The following KIRREL3 variants were observed in gnomAD, a reference collection of about 807,000 sequenced individuals.
KIRREL3 encodes kirre like nephrin family adhesion molecule 3, also known as kin of IRRE-like protein 3.
KIRREL3 carries 36 observed loss-of-function variants against 89.7 expected under a neutral mutation model. That is an observed-to-expected ratio of 0.40 (90% CI 0.31 to 0.53). KIRREL3 has a LOEUF of 0.53. Ranked by LOEUF, KIRREL3 falls within the 20% of genes least tolerant of loss-of-function variation. The pLI is 0.49. For missense variants in KIRREL3, 864 were observed against 1,056.6 expected (o/e 0.82, Z 2.53); for synonymous variants, 445 against 441.4 (o/e 1.01, Z -0.10).
At chr11:126,934,110 T>G (rs1475794036) in intron 1 of KIRREL3, among the ~76,000 whole-genome samples, 2 of 152,154 alleles carry the variant, frequency 1.3e-5, no homozygotes, top group Admixed American at 1.3e-4. Flanking sequence ...GACAAAACTA[T>G]AGACATATGG....
At chr11:126,793,420 G>A (rs983861926) in intron 1 of KIRREL3, among the ~76,000 whole-genome samples, 3 of 152,228 alleles carry the variant, frequency 2.0e-5, no homozygotes. Flanking sequence ...CTTTGGATGT[G>A]CATGCTCAGC....
At chr11:126,961,682 T>C (rs1949091481) in intron 1 of KIRREL3, among the ~76,000 whole-genome samples, 1 of 152,230 alleles carries the variant, frequency 6.6e-6, no homozygotes, top group African/African-American at 2.4e-5. Context: ...AGATGCTTGA[T>C]AAATGTGGCT....
chr11:126,773,603 G>T lies in KIRREL3; in HGVS notation c.56-210691C>A, dbSNP rs1377795840. On this transcript the variant is annotated intron_variant, in intron 1 of 16. Transcript: ENST00000525144. The surrounding 1 kb of genome is among the most constrained non-coding windows in gnomAD (Gnocchi z 4.2). ...CTGGGTCTAGATCCTAGATCACAGA[G>T]ATGTGGGAATAATGATCTCCTTACA... Among the ~76,000 whole-genome samples the T allele has an allele frequency of 6.6e-6, 1 of 152,232 alleles. No individual in the cohort carries two copies. Among genetic ancestry groups the T allele is most frequent in the African/African-American group, 2.4e-5 (1 of 41,462 alleles).
intron 1 of KIRREL3, among the ~76,000 whole-genome samples, chr11:126,746,634 CT>C (rs907873065): frequency 1.6e-4 from 24 of 152,152 alleles, no homozygotes; most frequent in African/African-American, 5.8e-4. Flanking sequence ...CTGGTCCCCC[CT>C]CTCCCTCCCT....
In KIRREL3 at chr11:126,640,630, G is replaced by T. The variant is rs541608154; in HGVS notation, c.56-77718C>A. On this transcript the variant is annotated intron_variant, in intron 1 of 16. Coordinates refer to ENST00000525144, the MANE Select transcript of KIRREL3 (RefSeq NM_032531.4). The surrounding 1 kb of genome is among the most constrained non-coding windows in gnomAD (Gnocchi z 4.9). ...CATTTAGTCTGAACCTTACAGCATG[G>T]TCTTAAAGAGACACCCTCTCATATT... 6.6e-6 allele frequency among the ~76,000 whole-genome samples: 1 copy of T among 151,738 alleles called. No homozygotes were observed. Among genetic ancestry groups the T allele is most frequent in the African/African-American group, 2.4e-5 (1 of 41,320 alleles).
chr11:126,838,578 G>A (rs1357850163), intron 1 of KIRREL3, among the ~76,000 whole-genome samples: 4 of 152,192 alleles, frequency 2.6e-5, no homozygotes, highest in Non-Finnish European at 5.9e-5. Context: ...CTCTGATCAA[G>A]TGTGATTCTC....
At position 126,503,576 on chromosome 11, in the gene KIRREL3, A is replaced by AT. The variant is rs201806479; in HGVS notation, c.433+17738_433+17739insA. Among the ~76,000 whole-genome samples the AT allele has an allele frequency of 9.9e-3, 1,501 of 152,266 alleles. 9 individuals are homozygous for AT. Among genetic ancestry groups the AT allele is most frequent in the Middle Eastern group, 0.031 (9 of 294 alleles). On this transcript the variant is annotated intron_variant, in intron 4 of 16. Coordinates refer to ENST00000525144, the MANE Select transcript of KIRREL3 (RefSeq NM_032531.4). ...CCTTCTGAGCCATAGTTTCCTAAAA[A>AT]CAAAGAGGTGGTTTGCTGTGGACTG...
chr11:126,748,829 T>C lies in KIRREL3; in HGVS notation c.56-185917A>G, dbSNP rs1949242575. Among the ~76,000 whole-genome samples the C allele has an allele frequency of 6.6e-6, 1 of 152,228 alleles. No individual in the cohort carries two copies. Among genetic ancestry groups the C allele is most frequent in the Non-Finnish European group, 1.5e-5 (1 of 68,036 alleles). On this transcript the variant is annotated intron_variant, in intron 1 of 16. Transcript: ENST00000525144. This position sits in a 1 kb window ranked among gnomAD's most constrained non-coding sequence, Gnocchi z 4.6. The stretch of plus-strand genomic sequence containing the variant: ...GGCTTCAGTCTATCCAGTGCCTAGC[T>C]ACTGTGTTGTTGAAACGAGCTTCTT...
chr11:126,947,431 C>T (rs1948650493), intron 1 of KIRREL3, among the ~76,000 whole-genome samples: 1 of 152,170 alleles, frequency 6.6e-6, no homozygotes, highest in South Asian at 2.1e-4. Flanking sequence ...GACGTAGTGA[C>T]CAGGAATTCA....
intron 7 of KIRREL3, among the ~76,000 whole-genome samples, chr11:126,453,366 C>T (rs1409135521): frequency 1.3e-5 from 2 of 152,092 alleles, no homozygotes; most frequent in East Asian, 3.9e-4. Flanking sequence ...CAGTGACATC[C>T]CCATGCCACC....
chr11:126,597,421 C>CTTTTTTAAG (rs1942450713), intron 1 of KIRREL3, among the ~76,000 whole-genome samples: 1 of 152,254 alleles, frequency 6.6e-6, no homozygotes, highest in Admixed American at 6.5e-5. Flanking sequence ...AAAAAGGTCA[C>CTTTTTTAAG]TGACGACACC....
chr11:126,976,829 A>G lies in KIRREL3; in HGVS notation c.55+23626T>C, dbSNP rs1247244544. On this transcript the variant is annotated intron_variant, in intron 1 of 16. Coordinates refer to ENST00000525144, the MANE Select transcript of KIRREL3 (RefSeq NM_032531.4). The surrounding 1 kb of genome is among the most constrained non-coding windows in gnomAD (Gnocchi z 4.2). ...AGGTTACTACTGGCATAAGGTTATT[A>G]CTTCACGGTGGAGCTAGGCACTTAA... Among the ~76,000 whole-genome samples the G allele has an allele frequency of 6.6e-6, 1 of 152,078 alleles. No individual in the cohort carries two copies. Among genetic ancestry groups the G allele is most frequent in the East Asian group, 1.9e-4 (1 of 5,186 alleles).
At chr11:126,882,949 G>T (rs1945560464) in intron 1 of KIRREL3, among the ~76,000 whole-genome samples, 1 of 152,202 alleles carries the variant, frequency 6.6e-6, no homozygotes, top group Non-Finnish European at 1.5e-5. Context: ...AGAGACAACA[G>T]GGGTGAGTGT....
chr11:126,609,643 G>T lies in KIRREL3; in HGVS notation c.56-46731C>A, dbSNP rs1943040351. The stretch of plus-strand genomic sequence containing the variant: ...TTGTATAAAATCTAACTGGAACTGG[G>T]ATCGTGTTCTGGGGGTTCCGAACTT... On this transcript the variant is annotated intron_variant, in intron 1 of 16. Transcript: ENST00000525144. The surrounding 1 kb of genome is among the most constrained non-coding windows in gnomAD (Gnocchi z 5.0). 6.6e-6 allele frequency among the ~76,000 whole-genome samples: 1 copy of T among 152,206 alleles called. No individual in the cohort carries two copies.
rs1369270964 is a variant in KIRREL3 at position 126,883,953 on chromosome 11, A to T, written c.55+116502T>A. Among the ~76,000 whole-genome samples, 1 of 152,210 alleles carries T rather than the reference A, an allele frequency of 6.6e-6. No individual in the cohort carries two copies. Among genetic ancestry groups the T allele is most frequent in the Non-Finnish European group, 1.5e-5 (1 of 68,018 alleles). On this transcript the variant is annotated intron_variant, in intron 1 of 16. Coordinates refer to ENST00000525144, the MANE Select transcript of KIRREL3 (RefSeq NM_032531.4). This position sits in a 1 kb window ranked among gnomAD's most constrained non-coding sequence, Gnocchi z 4.1. ...TCAACAATGGAAGCTTCTCAAAGACATGAGCCCCCTGTTCCTGCAGGTATT... is the reference window on the plus strand; with the variant it reads ...TCAACAATGGAAGCTTCTCAAAGACTTGAGCCCCCTGTTCCTGCAGGTATT...
intron 1 of KIRREL3, among the ~76,000 whole-genome samples, chr11:126,804,311 C>T (rs1334391293): frequency 2.0e-5 from 3 of 152,162 alleles, no homozygotes; most frequent in South Asian, 2.1e-4. Context: ...TGAAGATGAC[C>T]TTTTCCTGGC....
intron 1 of KIRREL3, among the ~76,000 whole-genome samples, chr11:126,923,266 TCTCCTTCTCCTTCTC>T (rs1565424271): frequency 1.5e-4 from 12 of 79,176 alleles, no homozygotes; most frequent in African/African-American, 5.0e-4. Flanking sequence ...TTCTTCTTCT[TCTCCTTCTCCTTCTC>T]CTTCTCCTTC....
intron 1 of KIRREL3, among the ~76,000 whole-genome samples, chr11:126,661,125 G>C (rs1945382266): frequency 6.6e-6 from 1 of 152,176 alleles, no homozygotes; most frequent in South Asian, 2.1e-4. Context: ...AAAATAGAAA[G>C]CACAATGTTG....
rs1236035465 is a variant in KIRREL3 at position 126,640,324 on chromosome 11, A to C, written c.56-77412T>G. 4.6e-5 allele frequency among the ~76,000 whole-genome samples: 7 copies of C among 152,104 alleles called. No individual in the cohort carries two copies. The highest frequency in any genetic ancestry group is 1.7e-4 in the African/African-American group (7 of 41,422). Reference sequence around the variant, plus strand: ...TTGGGAAAGGAGGTTGTCAAGACTAACTGAACACAACACACACACAGACGC... The same window carrying C: ...TTGGGAAAGGAGGTTGTCAAGACTACCTGAACACAACACACACACAGACGC... On this transcript the variant is annotated intron_variant, in intron 1 of 16. Coordinates refer to ENST00000525144, the MANE Select transcript of KIRREL3 (RefSeq NM_032531.4). This position sits in a 1 kb window ranked among gnomAD's most constrained non-coding sequence, Gnocchi z 4.9.
Sources: allele counts gnomAD v4.1 joint callset (sites outside exome capture counted in the v4.1 genomes callset), GRCh38; gene constraint gnomAD v4.1.1; non-coding constraint Gnocchi (gnomAD v3.1); transcripts MANE v1.5; gene names NCBI Gene and HGNC (gene_info 2026-07-23, HGNC 2026-07-21).